Variants in CASZ1 observed in about 807,000 individuals in gnomAD.
CASZ1 encodes zinc finger protein castor homolog 1.
In CASZ1, 28 loss-of-function variants were observed where a neutral mutation model predicts 135.2. That is an observed-to-expected ratio of 0.21 (90% CI 0.15 to 0.28). The LOEUF (loss-of-function observed/expected upper bound fraction) is 0.28. Among genes scored for constraint, CASZ1 ranks in the 10% least tolerant of loss-of-function variants. The probability of loss-of-function intolerance (pLI) is 1.00; values close to 1 mark genes in which losing one functional copy is unlikely to be tolerated. For synonymous variants in CASZ1, 1,068 were observed against 1,073.4 expected (o/e 0.99, Z 0.10); for missense variants, 2,161 against 2,453.3 (o/e 0.88, Z 2.52).
At chr1:10,648,173 G>T (rs987104066) in intron 15 of CASZ1, 34 bp from the exon 16 acceptor site, 1 of 1,435,240 alleles carries the variant, frequency 7.0e-7, no homozygotes, top group Admixed American at 2.4e-5. Flanking sequence ...CTCATGGGGG[G>T]CAGTGAAGAC....
At chr1:10,738,840 C>T (rs568370784) in intron 2 of CASZ1, among the ~76,000 whole-genome samples, 2 of 151,202 alleles carry the variant, frequency 1.3e-5, no homozygotes, top group South Asian at 4.2e-4. Context: ...ATTAAGACAC[C>T]ACTTTTAGTC....
Position 10,653,400 on chromosome 1 carries a change from T to G in CASZ1, c.2657A>C (p.Lys886Thr). The G allele has an allele frequency of 6.2e-7, 1 of 1,613,294 alleles. No individual in the cohort carries two copies. Among genetic ancestry groups the G allele is most frequent in the Non-Finnish European group, 8.5e-7 (1 of 1,180,006 alleles). ...MMARLAAAAL[K>T]PSATFDPGSG... The stretch of plus-strand genomic sequence containing the variant: ...ACCTGGGTCAAAGGTGGCAGAGGGC[T>G]TGAGGGCAGCTGCAGCCAGCCTGGC... The change falls in exon 11 of 21, where the codon AAG (lysine) becomes ACG (threonine). Residue 886 changes from lysine (K) to threonine (T), a missense_variant. Around this residue, in one of 7 missense-constraint regions of CASZ1, gnomAD observed 406 missense variants for 387.6 expected, o/e 1.05. Transcript: ENST00000377022.
At chr1:10,744,054 C>T (rs552498751) in intron 2 of CASZ1, among the ~76,000 whole-genome samples, 5 of 152,224 alleles carry the variant, frequency 3.3e-5, no homozygotes, top group South Asian at 2.1e-4. Flanking sequence ...CTTGGAAACT[C>T]GGGCACTCTC....
At position 10,719,687 on chromosome 1, in the gene CASZ1, G is replaced by A. The variant is rs1042808481; in HGVS notation, c.-76-14143C>T. On this transcript the variant is annotated intron_variant, in intron 2 of 20. Coordinates refer to ENST00000377022, the MANE Select transcript of CASZ1 (RefSeq NM_001079843.3). The surrounding 1 kb of genome is among the most constrained non-coding windows in gnomAD (Gnocchi z 4.0). Reference sequence around the variant, plus strand: ...ATGCCCTCAGGTACTGCCCAATCCTGAAGCCCGTGGGTCCCAGAGCCTGGC... The same window carrying A: ...ATGCCCTCAGGTACTGCCCAATCCTAAAGCCCGTGGGTCCCAGAGCCTGGC... 6.6e-6 allele frequency among the ~76,000 whole-genome samples: 1 copy of A among 152,200 alleles called. No individual in the cohort carries two copies. The highest frequency in any genetic ancestry group is 6.5e-5 in the Admixed American group (1 of 15,288).
rs757088690 is a variant in CASZ1, at chr1:10,646,150, A to C, written c.3674T>G (p.Leu1225Arg). The C allele has an allele frequency of 6.2e-7, 1 of 1,614,112 alleles. No individual in the cohort carries two copies. Among genetic ancestry groups the C allele is most frequent in the South Asian group, 1.1e-5 (1 of 91,082 alleles). Reference sequence around the variant, plus strand: ...GACCTGGTTGGGACAGAGACACTGCAGAGAGTAGTATGCAAACTGGTCTCG... The same window carrying C: ...GACCTGGTTGGGACAGAGACACTGCCGAGAGTAGTATGCAAACTGGTCTCG... ...NVRDQFAYYS[L>R]QCLCPNQHCE... The change falls in exon 17 of 21, where the codon CTG becomes CGG. Residue 1225 changes from leucine (L) to arginine (R), a missense_variant. This residue lies in a region of CASZ1 where 349 missense variants were observed against 460.8 expected (regional missense o/e 0.76). Coordinates refer to ENST00000377022, the MANE Select transcript of CASZ1 (RefSeq NM_001079843.3). This position sits in a 1 kb window ranked among gnomAD's most constrained non-coding sequence, Gnocchi z 6.4.
chr1:10,653,387 G>C lies in CASZ1; in HGVS notation c.2670C>G (p.Thr890=), dbSNP rs1367833653. Residue 890 remains threonine, a synonymous_variant, in exon 11 of 21, where the codon ACC becomes ACG. Transcript: ENST00000377022. The part of the protein sequence containing the change: ...LAAAALKPSA[T]FDPGSGQQVT... ...ACCCAGCCTGCTCACCTGGGTCAAA[G>C]GTGGCAGAGGGCTTGAGGGCAGCTG... 6.2e-7 allele frequency: 1 copy of C among 1,613,254 alleles called. No homozygotes were observed. The highest frequency in any genetic ancestry group is 1.7e-5 in the Admixed American group (1 of 60,030).
intron 4 of CASZ1, among the ~76,000 whole-genome samples, chr1:10,668,148 G>A (rs78987125): frequency 0.054 from 8,219 of 152,212 alleles, 344 homozygotes; most frequent in African/African-American, 0.11. Context: ...GTGCGAGCGC[G>A]TGTGAGGCTG....
intron 7 of CASZ1, 183 bp downstream of exon 7, chr1:10,658,325 G>A: frequency 4.9e-6 from 3 of 606,798 alleles, no homozygotes. Context: ...AGAGCGGAGG[G>A]AGGCTCCCAA....
chr1:10,719,333 T>C lies in CASZ1; in HGVS notation c.-76-13789A>G, dbSNP rs1236161063. Among the ~76,000 whole-genome samples the C allele has an allele frequency of 1.3e-5, 2 of 152,180 alleles. No homozygotes were observed. The highest frequency in any genetic ancestry group is 4.8e-5 in the African/African-American group (2 of 41,430). On this transcript the variant is annotated intron_variant, in intron 2 of 20. Transcript: ENST00000377022. This position sits in a 1 kb window ranked among gnomAD's most constrained non-coding sequence, Gnocchi z 4.0. ...TCTCTTCTATTTGAATCAAAAGCCC[T>C]CATTCTTTTGACCGTACCCCACTGC...
Position 10,657,818 on chromosome 1 carries a change from A to T in CASZ1, c.1409+690T>A, listed in dbSNP as rs1394826058. ...TGGGGGGGTGGGGGCGGGGGGTGTT[A>T]TTTGTGTGATTTGGGGGAATCTGTT... On this transcript the variant is annotated intron_variant, in intron 7 of 20. Transcript: ENST00000377022. The surrounding 1 kb of genome is among the most constrained non-coding windows in gnomAD (Gnocchi z 5.7). Among the ~76,000 whole-genome samples the T allele has an allele frequency of 6.7e-6, 1 of 148,674 alleles. No individual in the cohort carries two copies. Among genetic ancestry groups the T allele is most frequent in the Non-Finnish European group, 1.5e-5 (1 of 67,164 alleles).
intron 2 of CASZ1, among the ~76,000 whole-genome samples, chr1:10,708,227 C>T (rs1348179924): frequency 6.6e-6 from 1 of 152,192 alleles, no homozygotes; most frequent in Non-Finnish European, 1.5e-5. Context: ...GTGACAACAG[C>T]CTTCTGACCT....
At chr1:10,667,484 T>C (rs577250333) in intron 4 of CASZ1, among the ~76,000 whole-genome samples, 118 of 152,272 alleles carry the variant, frequency 7.7e-4, no homozygotes, top group African/African-American at 2.6e-3. Context: ...CCAAGCACGA[T>C]GCGGGGCCCC....
At chr1:10,658,433 G>C in intron 7 of CASZ1, 75 bp downstream of exon 7, 1 of 1,263,842 alleles carries the variant, frequency 7.9e-7, no homozygotes, top group East Asian at 2.4e-5. Flanking sequence ...GATATCAAAC[G>C]AATGGCCTCA....
At chr1:10,667,473 C>G (rs974214314) in intron 4 of CASZ1, among the ~76,000 whole-genome samples, 2 of 152,200 alleles carry the variant, frequency 1.3e-5, no homozygotes, top group Non-Finnish European at 2.9e-5. Context: ...CACCCAAGAC[C>G]CCAAGCACGA....
chr1:10,639,129 T>C lies in CASZ1; in HGVS notation c.5093A>G (p.Asp1698Gly). Residue 1698 changes from aspartate (D) to glycine (G), a missense_variant, in exon 21 of 21, where the codon GAC becomes GGC. By Grantham distance (94) the Asp-to-Gly change is moderately conservative. Transcript: ENST00000377022. This position sits in a 1 kb window ranked among gnomAD's most constrained non-coding sequence, Gnocchi z 4.0. ...EAEDDEDEDD[D>G]EDDDDEDDDE... ...GTCGTCCTCGTCGTCGTCGTCCTCG[T>C]CGTCGTCCTCGTCCTCGTCGTCTTC... 8.8e-7 allele frequency: 1 copy of C among 1,140,050 alleles called. No homozygotes were observed. Among genetic ancestry groups the C allele is most frequent in the Non-Finnish European group, 1.1e-6 (1 of 909,592 alleles). The allele number at this position is 1,140,050 out of a possible 1,614,324, so 70.6% of individuals were successfully genotyped here. A position where few individuals can be genotyped will look rare whatever the true frequency, so the allele number is the denominator to read the frequency against.
At chr1:10,650,794 C>G (rs767535083) in intron 12 of CASZ1, 39 bp from the exon 13 acceptor site, 1 of 1,609,278 alleles carries the variant, frequency 6.2e-7, no homozygotes, top group Non-Finnish European at 8.5e-7. Context: ...CTCAGACGGC[C>G]GGGGCCTGGG....
At chr1:10,712,640 G>C (rs1444799267) in intron 2 of CASZ1, among the ~76,000 whole-genome samples, 1 of 152,154 alleles carries the variant, frequency 6.6e-6, no homozygotes, top group Non-Finnish European at 1.5e-5. Context: ...GGCTCCACAG[G>C]ATGTGCTGTG....
intron 1 of CASZ1, among the ~76,000 whole-genome samples, chr1:10,793,220 A>G (rs1054329549): frequency 6.6e-6 from 1 of 150,798 alleles, no homozygotes; most frequent in African/African-American, 2.4e-5. Context: ...TGATCTTGAA[A>G]GAATTTTGCT....
At chr1:10,744,827 G>C (rs1640009076) in intron 2 of CASZ1, among the ~76,000 whole-genome samples, 1 of 152,182 alleles carries the variant, frequency 6.6e-6, no homozygotes, top group Non-Finnish European at 1.5e-5. Context: ...TTAAAGAGCT[G>C]CCTGGCACGC....
Sources: gnomAD v4.1 joint callset for allele counts (sites outside exome capture counted in the v4.1 genomes callset) on GRCh38, gnomAD v4.1.1 for gene constraint, gnomAD v4.1.1 regional missense constraint, Gnocchi (gnomAD v3.1) non-coding constraint, MANE v1.5 for transcripts, NCBI Gene and HGNC (gene_info 2026-07-23, HGNC 2026-07-21) for gene names.